The following COL10A1 variants were observed in gnomAD, a reference collection of about 807,000 sequenced individuals.
COL10A1 encodes collagen type X alpha 1 chain.
A neutral mutation model predicts 18.2 loss-of-function variants in COL10A1; 10 were observed. The observed-to-expected ratio is 0.55, with a 90% CI of 0.34 to 0.93. The LOEUF (loss-of-function observed/expected upper bound fraction) is 0.93. Among genes scored for constraint, COL10A1 ranks in the 40% least tolerant of loss-of-function variants. The pLI is 0.02. For synonymous variants in COL10A1, 330 were observed against 316.6 expected (o/e 1.04, Z -0.45); for missense variants, 897 against 853.5 (o/e 1.05, Z -0.64).
At chr6:116,146,408 T>G (rs1779898440) in intron 1 of COL10A1, among the ~76,000 whole-genome samples, 1 of 152,150 alleles carries the variant, frequency 6.6e-6, no homozygotes, top group African/African-American at 2.4e-5. Flanking sequence ...AAGGAATTTC[T>G]CAGAAGCTCC....
At chr6:116,162,257 A>T (rs1453319292), upstream of COL10A1, among the ~76,000 whole-genome samples, 1 of 152,124 alleles carries the variant, frequency 6.6e-6, no homozygotes, top group Non-Finnish European at 1.5e-5. Flanking sequence ...TCCGATTTGG[A>T]TGCCTTTAAT....
chr6:116,180,602 AATACATTCTCT>A, the COL10A1 span, among the ~76,000 whole-genome samples: 2 of 152,112 alleles, frequency 1.3e-5, no homozygotes, highest in African/African-American at 4.8e-5. Context: ...TGCAATAAGA[AATACATTCTCT>A]ATAAAACTGT....
chr6:116,161,775 TAATTTGATGGGAAG>T (rs200146381), upstream of COL10A1, among the ~76,000 whole-genome samples: 195 of 152,330 alleles, frequency 1.3e-3, 7 homozygotes, highest in East Asian at 0.035. Flanking sequence ...ATAACATTGG[TAATTTGATGGGAAG>T]TTGCATTGAC....
At chr6:116,144,437 G>A (rs1779845095) in intron 1 of COL10A1, among the ~76,000 whole-genome samples, 1 of 147,542 alleles carries the variant, frequency 6.8e-6, no homozygotes, top group African/African-American at 2.4e-5. Context: ...GGAGGCAGAG[G>A]TTGCAGTGAG....
chr6:116,188,441 C>T, the COL10A1 span, among the ~76,000 whole-genome samples: 1 of 152,068 alleles, frequency 6.6e-6, no homozygotes, highest in East Asian at 1.9e-4. Context: ...GTGTGTCATA[C>T]AGTGACATTC....
the COL10A1 span, among the ~76,000 whole-genome samples, chr6:116,214,507 C>A: frequency 6.6e-6 from 1 of 152,048 alleles, no homozygotes; most frequent in African/African-American, 2.4e-5. Flanking sequence ...TAGGGGTATT[C>A]TACTGAAGTA....
At chr6:116,178,517 C>T in the COL10A1 span, among the ~76,000 whole-genome samples, 4 of 152,282 alleles carry the variant, frequency 2.6e-5, no homozygotes, top group East Asian at 3.9e-4. Context: ...GAAAACTAAC[C>T]GACTTCCAGT....
At chr6:116,187,748 G>T in the COL10A1 span, among the ~76,000 whole-genome samples, 1 of 152,016 alleles carries the variant, frequency 6.6e-6, no homozygotes, top group Non-Finnish European at 1.5e-5. Context: ...AGGCAAATCA[G>T]TAAAGCTATC....
intron 1 of COL10A1, among the ~76,000 whole-genome samples, chr6:116,142,492 T>C (rs1000361868): frequency 6.6e-6 from 1 of 152,182 alleles, no homozygotes; most frequent in Non-Finnish European, 1.5e-5. Context: ...AATGAATTTA[T>C]AAACTTACTT....
upstream of COL10A1, among the ~76,000 whole-genome samples, chr6:116,163,407 C>T (rs953768681): frequency 1.3e-5 from 2 of 151,806 alleles, no homozygotes; most frequent in African/African-American, 2.4e-5. Context: ...AGTTTGTATG[C>T]ATAGAGATGT....
chr6:116,152,557 C>G lies in COL10A1; in HGVS notation c.-16+6057G>C, dbSNP rs1264700072. Among the ~76,000 whole-genome samples, 4 of 152,090 alleles carry G rather than the reference C, an allele frequency of 2.6e-5. No individual in the cohort carries two copies. The East Asian group carries it at 7.7e-4, about 29-fold the overall frequency. On this transcript the variant is annotated intron_variant, in intron 1 of 1. Coordinates refer to the COL10A1 transcript ENST00000418500. ...GACTCCTGTGTACTGGATTTATTCCCCTCTATCTCACATGGGACTTTCATC... is the reference window on the plus strand; with the variant it reads ...GACTCCTGTGTACTGGATTTATTCCGCTCTATCTCACATGGGACTTTCATC...
intron 1 of COL10A1, among the ~76,000 whole-genome samples, chr6:116,142,503 C>A (rs964689811): frequency 6.6e-6 from 1 of 152,032 alleles, no homozygotes; most frequent in African/African-American, 2.4e-5. Context: ...AAACTTACTT[C>A]TGATTATTTG....
the COL10A1 span, among the ~76,000 whole-genome samples, chr6:116,203,275 T>C: frequency 6.6e-6 from 1 of 151,968 alleles, no homozygotes; most frequent in Non-Finnish European, 1.5e-5. Context: ...CATGAAACTA[T>C]TATGTCAGTT....
the COL10A1 span, among the ~76,000 whole-genome samples, chr6:116,200,000 G>C: frequency 2.2e-5 from 2 of 90,948 alleles, no homozygotes; most frequent in South Asian, 2.6e-4. Flanking sequence ...TATGGAAAGT[G>C]GGGGGGGAAG....
chr6:116,175,122 G>A, the COL10A1 span, among the ~76,000 whole-genome samples: 2 of 152,006 alleles, frequency 1.3e-5, no homozygotes, highest in African/African-American at 4.8e-5. Context: ...AATAAAATAT[G>A]TATATTTTGT....
At chr6:116,124,445 T>G (rs932335218) in intron 2 of COL10A1, among the ~76,000 whole-genome samples, 2 of 152,156 alleles carry the variant, frequency 1.3e-5, no homozygotes, top group African/African-American at 4.8e-5. Context: ...TTTACATATA[T>G]TATCTCAGTA....
the COL10A1 span, among the ~76,000 whole-genome samples, chr6:116,187,274 C>G: frequency 1.3e-5 from 2 of 151,956 alleles, no homozygotes; most frequent in South Asian, 4.1e-4. Context: ...AGCAGGGGAG[C>G]GAAGTGGACT....
chr6:116,131,620 A>G (rs1220051351), intron 1 of COL10A1, among the ~76,000 whole-genome samples: 1 of 152,116 alleles, frequency 6.6e-6, no homozygotes, highest in Non-Finnish European at 1.5e-5. Flanking sequence ...TTTTTCAACC[A>G]TTGCCCTATA....
the COL10A1 span, among the ~76,000 whole-genome samples, chr6:116,207,616 T>C: frequency 1.3e-5 from 2 of 151,938 alleles, no homozygotes; most frequent in East Asian, 3.9e-4. Context: ...CTTGTTGCAT[T>C]AGATTGGAAG....
Sources: allele counts gnomAD v4.1 joint callset (sites outside exome capture counted in the v4.1 genomes callset), GRCh38; gene constraint gnomAD v4.1.1; transcripts MANE v1.5; gene names NCBI Gene and HGNC (gene_info 2026-07-23, HGNC 2026-07-21).